C2orf68: variants seen among roughly 807,000 people sequenced by gnomAD.
C2orf68 encodes chromosome 2 open reading frame 68, also known as UPF0561 protein C2orf68.
In C2orf68, 15 loss-of-function variants were observed where a neutral mutation model predicts 19.1. That is an observed-to-expected ratio of 0.79 (90% CI 0.53 to 1.21). The LOEUF (loss-of-function observed/expected upper bound fraction) is 1.21, where lower values mean the gene tolerates loss of function less well. Ranked by LOEUF, C2orf68 falls within the 50% of genes most tolerant of loss-of-function variation. C2orf68 has a pLI of 0.00. For synonymous variants in C2orf68, 98 were observed against 91.0 expected (o/e 1.08, Z -0.44); for missense variants, 242 against 226.6 (o/e 1.07, Z -0.44).
At chr2:85,610,908 A>C (rs927583438) in intron 2 of C2orf68, 1 of 148,282 alleles carries the variant, frequency 6.7e-6, no homozygotes, top group South Asian at 2.2e-4. Context: ...ACAGGCGCCC[A>C]CCACCACGCC....
Position 85,611,938 on chromosome 2 carries a change from C to A in C2orf68, c.47G>T (p.Gly16Val), listed in dbSNP as rs1206119288. The part of the protein sequence containing the change: ...HPRPGHCCKP[G>V]GRLDMNHGFV... ...GCCGTGGTTCATGTCCAGCCGCCCCCCAGGCTTGCAGCAGTGCCCCGGCCG... is the reference window on the plus strand; with the variant it reads ...GCCGTGGTTCATGTCCAGCCGCCCCACAGGCTTGCAGCAGTGCCCCGGCCG... Residue 16 changes from glycine (G) to valine (V), a missense_variant, in exon 1 of 4, where the codon GGG becomes GTG. Transcript: ENST00000306336. The A allele has an allele frequency of 6.3e-7, 1 of 1,585,598 alleles. No individual in the cohort carries two copies.
intron 3 of C2orf68, 82 bp from the exon 4 acceptor site, chr2:85,609,149 G>T: frequency 6.4e-7 from 1 of 1,554,894 alleles, no homozygotes; most frequent in Non-Finnish European, 8.7e-7. Context: ...CACTCTCACA[G>T]AACTCCATTT....
At chr2:85,609,740 GGT>G (rs1400837656) in intron 2 of C2orf68, among the ~76,000 whole-genome samples, 154 bp from the exon 3 acceptor site, 1 of 152,226 alleles carries the variant, frequency 6.6e-6, no homozygotes, top group East Asian at 1.9e-4. Context: ...GGAGTGCAGT[GGT>G]GCAATCTCGG....
rs1288530726 is a variant in C2orf68, at chr2:85,608,354, T to C, written c.*591A>G. ...TATCAGAATTACTTGGAGAGTTTTT[T>C]AGAAGGGTAGATCCCCAGGCCCCGC... On this transcript the variant is annotated 3_prime_UTR_variant, in exon 4 of 4. Coordinates refer to ENST00000306336, the MANE Select transcript of C2orf68 (RefSeq NM_001013649.4). 6.6e-6 allele frequency: 1 copy of C among 152,086 alleles called. No individual in the cohort carries two copies. The highest frequency in any genetic ancestry group is 1.9e-4 in the East Asian group (1 of 5,190). 9.4% of individuals were successfully genotyped at this position (152,086 alleles called of 1,614,324 possible). A position where few individuals can be genotyped will look rare whatever the true frequency, so the allele number is the denominator to read the frequency against.
rs1402344175 is a variant in C2orf68, at chr2:85,609,302, C to T, written c.378+133G>A. On this transcript the variant is annotated intron_variant, in intron 3 of 3. Coordinates refer to ENST00000306336, the MANE Select transcript of C2orf68 (RefSeq NM_001013649.4). ...GTGAGTTGTGCTCAAAAGCACTGCC[C>T]GGCAGGCCTAGACTCACATGTGGAG... The T allele has an allele frequency of 3.1e-5, 42 of 1,360,858 alleles. No homozygotes were observed. In the African/African-American group the frequency reaches 4.2e-4, roughly 14 times the overall value. The allele number at this position is 1,360,858 out of a possible 1,614,324, so 84.3% of individuals were successfully genotyped here. A position where few individuals can be genotyped will look rare whatever the true frequency, so the allele number is the denominator to read the frequency against.
rs1368901472 is a variant in C2orf68 at position 85,607,221 on chromosome 2, G to T, written c.*1724C>A. The T allele has an allele frequency of 6.6e-6, 1 of 152,200 alleles. No individual in the cohort carries two copies. Among genetic ancestry groups the T allele is most frequent in the Admixed American group, 6.5e-5 (1 of 15,270 alleles). 9.4% of individuals were successfully genotyped at this position (152,200 alleles called of 1,614,324 possible). A position where few individuals can be genotyped will look rare whatever the true frequency, so the allele number is the denominator to read the frequency against. ...AGCCAGACTTGCAGTGAAATCCTAT[G>T]TTCCAAGTCATCAGATCAGTTTAAG... is the stretch of plus-strand genomic sequence containing the variant. On this transcript the variant is annotated 3_prime_UTR_variant, in exon 4 of 4. Coordinates refer to ENST00000306336, the MANE Select transcript of C2orf68 (RefSeq NM_001013649.4).
chr2:85,612,063 C>A lies in C2orf68; in HGVS notation c.-79G>T. 8.7e-7 allele frequency: 1 copy of A among 1,143,806 alleles called. No individual in the cohort carries two copies. The highest frequency in any genetic ancestry group is 1.2e-6 in the Non-Finnish European group (1 of 837,570). 70.9% of individuals were successfully genotyped at this position (1,143,806 alleles called of 1,614,324 possible). On this transcript the variant is annotated 5_prime_UTR_variant, in exon 1 of 4. Coordinates refer to ENST00000306336, the MANE Select transcript of C2orf68 (RefSeq NM_001013649.4). Reference sequence around the variant, plus strand: ...CCCGCCCACAGAGCTCCGCGCCGCCCCTTGCTCAGCTTCCGGCCCCGCATC... The same window carrying A: ...CCCGCCCACAGAGCTCCGCGCCGCCACTTGCTCAGCTTCCGGCCCCGCATC...
At position 85,609,555 on chromosome 2, in the gene C2orf68, A is replaced by G. The variant is rs1558838221; in HGVS notation, c.258T>C (p.Tyr86=). The G allele has an allele frequency of 1.2e-6, 2 of 1,614,204 alleles. No individual in the cohort carries two copies. The highest frequency in any genetic ancestry group is 1.7e-6 in the Non-Finnish European group (2 of 1,180,032). Reference sequence around the variant, plus strand: ...TACTGCTGCTTTCACCGGACTCTTCATAGTCTGGGTTGCGTGGGTGGGCAG... The same window carrying G: ...TACTGCTGCTTTCACCGGACTCTTCGTAGTCTGGGTTGCGTGGGTGGGCAG... ...DVSAHPRNPD[Y]EESGESSSSG... The change falls in exon 3 of 4, where the codon TAT becomes TAC. Residue 86 remains tyrosine, a synonymous_variant. Coordinates refer to ENST00000306336, the MANE Select transcript of C2orf68 (RefSeq NM_001013649.4).
In C2orf68 at chr2:85,608,705, A is replaced by C. The variant is rs1356521539; in HGVS notation, c.*240T>G. ...ACATTAGCCACACAAAATCCTCAAAAAAAAAAAAAAAAAAAAAAAAAAAAG... is the reference window on the plus strand; with the variant it reads ...ACATTAGCCACACAAAATCCTCAAACAAAAAAAAAAAAAAAAAAAAAAAAG... On this transcript the variant is annotated 3_prime_UTR_variant, in exon 4 of 4. Coordinates refer to ENST00000306336, the MANE Select transcript of C2orf68 (RefSeq NM_001013649.4). 1 of 179,312 alleles carries C rather than the reference A, an allele frequency of 5.6e-6. No homozygotes were observed. Among genetic ancestry groups the C allele is most frequent in the East Asian group, 2.1e-4 (1 of 4,694 alleles). 11.1% of individuals were successfully genotyped at this position (179,312 alleles called of 1,614,324 possible). A position where few individuals can be genotyped will look rare whatever the true frequency, so the allele number is the denominator to read the frequency against.
rs1333587459 is a variant in C2orf68 at position 85,608,766 on chromosome 2, A to G, written c.*179T>C. The G allele has an allele frequency of 5.2e-6, 3 of 576,374 alleles. No individual in the cohort carries two copies. Among genetic ancestry groups the G allele is most frequent in the African/African-American group, 3.8e-5 (2 of 53,018 alleles). The allele number at this position is 576,374 out of a possible 1,614,324, so 35.7% of individuals were successfully genotyped here. ...TATCAGGCTGGGCAAATGGGTCAAC[A>G]TATAAGAAAGAATGACTGCAAGGCA... On this transcript the variant is annotated 3_prime_UTR_variant, in exon 4 of 4. Coordinates refer to ENST00000306336, the MANE Select transcript of C2orf68 (RefSeq NM_001013649.4).
intron 3 of C2orf68, 94 bp from the exon 4 acceptor site, chr2:85,609,161 GC>G: frequency 1.3e-6 from 2 of 1,518,098 alleles, no homozygotes; most frequent in Non-Finnish European, 1.8e-6. Flanking sequence ...ACTCCATTTA[GC>G]TCAAGGCTTT....
chr2:85,611,383 G>T (rs1673514974), intron 2 of C2orf68: 1 of 1,462,408 alleles, frequency 6.8e-7, no homozygotes, highest in African/African-American at 1.4e-5. Flanking sequence ...TTGCTAGGTA[G>T]CGGAGCACCT....
intron 2 of C2orf68, among the ~76,000 whole-genome samples, chr2:85,609,996 T>C (rs1051800815): frequency 4.1e-5 from 6 of 145,714 alleles, no homozygotes; most frequent in East Asian, 4.1e-4. Context: ...AATCTTCTTA[T>C]GGGTCCAGTG....
Position 85,611,776 on chromosome 2 carries a change from C to T in C2orf68, c.118G>A (p.Asp40Asn), listed in dbSNP as rs1673548722. 2 of 1,612,112 alleles carry T rather than the reference C, an allele frequency of 1.2e-6. No individual in the cohort carries two copies. The highest frequency in any genetic ancestry group is 1.1e-5 in the South Asian group (1 of 91,022). The change falls in exon 2 of 4, where the codon GAC (aspartate) becomes AAC (asparagine). Residue 40 changes from aspartate to asparagine, a missense_variant. By Grantham distance (23) the Asp-to-Asn change is conservative (BLOSUM62 1). Transcript: ENST00000306336. ...TTGGCCGCCTGCTTCACCTTCTTGT[C>T]ATAGTCGTCCCTGCGGGGAGCCGAG... ...RRNQIARDDY[D>N]KKVKQAAKEK...
Position 85,606,685 on chromosome 2 carries a change from G to A in C2orf68, c.*2260C>T, listed in dbSNP as rs899902107. On this transcript the variant is annotated 3_prime_UTR_variant, in exon 4 of 4. Coordinates refer to ENST00000306336, the MANE Select transcript of C2orf68 (RefSeq NM_001013649.4). ...AAGAAAAAAAGTTTAATAGCAAGGA[G>A]TTTCCATCAGTCCCGGTCTTTGTGA... 6.6e-6 allele frequency: 1 copy of A among 152,054 alleles called. No homozygotes were observed. The highest frequency in any genetic ancestry group is 2.1e-4 in the South Asian group (1 of 4,828). 9.4% of individuals were successfully genotyped at this position (152,054 alleles called of 1,614,324 possible).
In C2orf68 at chr2:85,611,757, G is replaced by A. The variant is rs749255195; in HGVS notation, c.137C>T (p.Ala46Val). The A allele has an allele frequency of 3.1e-6, 5 of 1,611,678 alleles. No individual in the cohort carries two copies. The African/African-American group carries it at 5.3e-5, about 17-fold the overall frequency. Residue 46 changes from alanine (A) to valine (V), a missense_variant, in exon 2 of 4, where the codon GCG becomes GTG. Ala to Val is a moderately conservative substitution (Grantham distance 64). Transcript: ENST00000306336. ...RDDYDKKVKQ[A>V]AKEKVRRRHT... ...CCGCCTCCTCACCTTCTCCTTGGCC[G>A]CCTGCTTCACCTTCTTGTCATAGTC...
At chr2:85,611,303 G>A (rs1673506626) in intron 2 of C2orf68, 1 of 1,420,036 alleles carries the variant, frequency 7.0e-7, no homozygotes, top group Non-Finnish European at 9.1e-7. Flanking sequence ...GAGAAGCTGG[G>A]GAAAGGCCAT....
At position 85,608,803 on chromosome 2, in the gene C2orf68, G is replaced by GATC; in HGVS notation, c.*141_*142insGAT. ...ATGACTGCAAGGCAGGCCAGGTGTA[G>GATC]TCCTGCAACACCCTATGGATGCAGC... On this transcript the variant is annotated 3_prime_UTR_variant, in exon 4 of 4. Transcript: ENST00000306336. 9.5e-7 allele frequency: 1 copy of GATC among 1,056,084 alleles called. No homozygotes were observed. The highest frequency in any genetic ancestry group is 1.3e-6 in the Non-Finnish European group (1 of 748,920). 65.4% of individuals were successfully genotyped at this position (1,056,084 alleles called of 1,614,324 possible).
rs142977298 is a variant in C2orf68, at chr2:85,607,283, C to T, written c.*1662G>A. ...TAGAATGACTGACTGGTTCTCTGACCAGGAAGAACAGGGGTGGAGTTTGGG... is the reference window on the plus strand; with the variant it reads ...TAGAATGACTGACTGGTTCTCTGACTAGGAAGAACAGGGGTGGAGTTTGGG... On this transcript the variant is annotated 3_prime_UTR_variant, in exon 4 of 4. Coordinates refer to ENST00000306336, the MANE Select transcript of C2orf68 (RefSeq NM_001013649.4). 47 of 152,282 alleles carry T rather than the reference C, an allele frequency of 3.1e-4. No individual in the cohort carries two copies. Among genetic ancestry groups the T allele is most frequent in the African/African-American group, 1.1e-3 (46 of 41,536 alleles). The allele number at this position is 152,282 out of a possible 1,614,324, so 9.4% of individuals were successfully genotyped here.
Sources: allele counts gnomAD v4.1 joint callset (sites outside exome capture counted in the v4.1 genomes callset), GRCh38; gene constraint gnomAD v4.1.1; transcripts MANE v1.5; gene names NCBI Gene and HGNC (gene_info 2026-07-23, HGNC 2026-07-21).